The following HERC2 variants were observed in gnomAD, a reference collection of about 807,000 sequenced individuals.
HERC2 encodes the protein E3 ubiquitin-protein ligase HERC2.
A neutral mutation model predicts 537.7 loss-of-function variants in HERC2; 102 were observed. The ratio of observed to expected loss-of-function variants is 0.19; its 90% CI spans 0.16 to 0.22. The LOEUF (loss-of-function observed/expected upper bound fraction) is 0.22. Ranked by LOEUF, HERC2 falls within the 10% of genes least tolerant of loss-of-function variation. The pLI is 1.00. For missense variants in HERC2, 4,236 were observed against 6,198.2 expected, an observed-to-expected ratio of 0.68 and a Z score of 10.63; for synonymous variants, 2,224 against 2,466.2, an observed-to-expected ratio of 0.90 and a Z score of 2.91.
chr15:28,241,724 G>A (rs1903144135), intron 23 of HERC2, among the ~76,000 whole-genome samples: 1 of 152,272 alleles, frequency 6.6e-6, no homozygotes, highest in East Asian at 1.9e-4. Context: ...GGGGGCTGAG[G>A]CAGGGGAATT....
intron 2 of HERC2, among the ~76,000 whole-genome samples, chr15:28,318,338 T>C (rs1174231959): frequency 6.6e-6 from 1 of 152,062 alleles, no homozygotes; most frequent in East Asian, 1.9e-4. Flanking sequence ...CAGAAAAGTG[T>C]TGAACAGGCC....
intron 57 of HERC2, among the ~76,000 whole-genome samples, chr15:28,182,199 T>G (rs1895887412): frequency 6.6e-6 from 1 of 152,184 alleles, no homozygotes; most frequent in South Asian, 2.1e-4. Context: ...CATTTTCTAG[T>G]TTACAAGACC....
chr15:28,148,828 C>T (rs753275947), intron 70 of HERC2, among the ~76,000 whole-genome samples: 3 of 152,018 alleles, frequency 2.0e-5, no homozygotes, highest in Admixed American at 6.6e-5. Flanking sequence ...AGTAAAACTA[C>T]TGATAAAACA....
At chr15:28,115,901 C>A (rs567115551) in intron 88 of HERC2, among the ~76,000 whole-genome samples, 1 of 152,188 alleles carries the variant, frequency 6.6e-6, no homozygotes, top group Non-Finnish European at 1.5e-5. Context: ...GACGCACAGC[C>A]GAGGACACCC....
At chr15:28,182,791 T>C (rs980821304) in intron 56 of HERC2, among the ~76,000 whole-genome samples, 1 of 152,146 alleles carries the variant, frequency 6.6e-6, no homozygotes, top group East Asian at 1.9e-4. Flanking sequence ...AGGCCTTCTC[T>C]TTCATCTTAA....
At chr15:28,120,634 T>C (rs1888779837) in intron 86 of HERC2, among the ~76,000 whole-genome samples, 1 of 152,248 alleles carries the variant, frequency 6.6e-6, no homozygotes, top group African/African-American at 2.4e-5. Flanking sequence ...TATTAGTAAT[T>C]CTGGCCTATG....
Position 28,176,807 on chromosome 15 carries a change from G to T in HERC2, c.9433-39C>A, listed in dbSNP as rs2140155064. On this transcript the variant is annotated intron_variant, in intron 61 of 92. Transcript: ENST00000261609. This position sits in a 1 kb window ranked among gnomAD's most constrained non-coding sequence, Gnocchi z 5.0. ...AATTTAAAAACAGAATCACGCACAG[G>T]CACGGAGAAAGCAATGGATTTTCCC... 2.5e-6 allele frequency: 4 copies of T among 1,598,054 alleles called. No homozygotes were observed. The highest frequency in any genetic ancestry group is 1.7e-4 in the Middle Eastern group (1 of 6,038).
At chr15:28,115,330 T>C in intron 89 of HERC2, 99 bp downstream of exon 89, 2 of 640,380 alleles carry the variant, frequency 3.1e-6, no homozygotes, top group South Asian at 4.4e-5. Flanking sequence ...ACCTGGGCAC[T>C]GAGATTAGGC....
intron 69 of HERC2, among the ~76,000 whole-genome samples, chr15:28,155,586 A>G (rs186790432): frequency 0.044 from 6,382 of 145,904 alleles, 264 homozygotes; most frequent in Admixed American, 0.13. Flanking sequence ...GTCTGTTCAT[A>G]TCCTTCGCCC....
chr15:28,144,446 C>T (rs1412225546), intron 72 of HERC2, among the ~76,000 whole-genome samples: 1 of 152,230 alleles, frequency 6.6e-6, no homozygotes, highest in Non-Finnish European at 1.5e-5. Context: ...GCACCAGCAA[C>T]AACTCCTTCC....
At chr15:28,195,030 T>C (rs1046844261) in intron 52 of HERC2, among the ~76,000 whole-genome samples, 2 of 150,234 alleles carry the variant, frequency 1.3e-5, no homozygotes, top group African/African-American at 2.5e-5. Context: ...CACTCCAGCC[T>C]GGGCAACAGA....
At chr15:28,121,288 C>T in intron 86 of HERC2, 58 bp downstream of exon 86, 1 of 1,471,516 alleles carries the variant, frequency 6.8e-7, no homozygotes. Context: ...AGCCCAGGTA[C>T]CCACGAAAGC....
chr15:28,150,508 T>A lies in HERC2; in HGVS notation c.10900+2169A>T, dbSNP rs1346869161. Among the ~76,000 whole-genome samples, 11 of 134,342 alleles carry A rather than the reference T, an allele frequency of 8.2e-5. No individual in the cohort carries two copies. In the Admixed American group the frequency reaches 8.6e-4, roughly 11 times the overall value. The allele number at this position is 134,342 out of a possible 152,430, so 88.1% of individuals were successfully genotyped here. A position where few individuals can be genotyped will look rare whatever the true frequency, so the allele number is the denominator to read the frequency against. On this transcript the variant is annotated intron_variant, in intron 70 of 92. Transcript: ENST00000261609. ...CACACGCAGCTTCTAACCGAGAATA[T>A]CACCGAGAACAGCCACATGAACGTA...
intron 83 of HERC2, among the ~76,000 whole-genome samples, chr15:28,128,983 TCTGA>T (rs1313808337): frequency 6.6e-6 from 1 of 152,222 alleles, no homozygotes; most frequent in Non-Finnish European, 1.5e-5. Context: ...CAGTCACATC[TCTGA>T]CTGACTCTTC....
intron 24 of HERC2, 57 bp from the exon 25 acceptor site, chr15:28,238,274 T>C (rs1467284140): frequency 1.5e-5 from 19 of 1,241,700 alleles, no homozygotes; most frequent in South Asian, 6.0e-5. Context: ...TGAAGAGATA[T>C]AGGAGAAACA....
chr15:28,306,564 C>G (rs142176594), intron 2 of HERC2, among the ~76,000 whole-genome samples: 9,867 of 151,598 alleles, frequency 0.065, 657 homozygotes, highest in African/African-American at 0.23. Context: ...GTTTTGGTAT[C>G]AGGGTAATAT....
chr15:28,264,049 C>CA (rs1032710695), intron 14 of HERC2, among the ~76,000 whole-genome samples: 38 of 125,462 alleles, frequency 3.0e-4, no homozygotes, highest in Non-Finnish European at 5.4e-4. Flanking sequence ...CAAACAAAAA[C>CA]AAAAAAAAGT....
At chr15:28,266,053 T>G in intron 12 of HERC2, 79 bp from the exon 13 acceptor site, 1 of 1,483,078 alleles carries the variant, frequency 6.7e-7, no homozygotes, top group Non-Finnish European at 9.2e-7. Context: ...GGAAATTCAC[T>G]ATCCAAATTT....
rs200336581 is a variant in HERC2, at chr15:28,274,364, C to T, written c.727G>A (p.Glu243Lys). Residue 243 changes from glutamate to lysine, a missense_variant, in exon 7 of 93, where the codon GAG becomes AAG. Glu to Lys is a moderately conservative substitution (Grantham distance 56). Coordinates refer to ENST00000261609, the MANE Select transcript of HERC2 (RefSeq NM_004667.6). ...AGCCACACAGAGGACACGGTGCTCT[C>T]GTCAAAGAGCGAGGCCTCGGGAAGT... Reference protein sequence around the residue: ...RALPEASLFDESTVSSVWLEV... With the variant: ...RALPEASLFDKSTVSSVWLEV... The T allele has an allele frequency of 6.8e-6, 11 of 1,614,164 alleles. 1 individual carries two copies. The East Asian group carries it at 8.9e-5, about 13-fold the overall frequency.
Sources: gnomAD v4.1 joint callset for allele counts (sites outside exome capture counted in the v4.1 genomes callset) on GRCh38, gnomAD v4.1.1 for gene constraint, Gnocchi (gnomAD v3.1) non-coding constraint, MANE v1.5 for transcripts, NCBI Gene and HGNC (gene_info 2026-07-23, HGNC 2026-07-21) for gene names.